Variants in CTNNA2 observed in about 807,000 individuals in gnomAD.
The protein encoded by CTNNA2 is catenin alpha-2.
CTNNA2 carries 42 observed loss-of-function variants against 101.0 expected under a neutral mutation model. The observed-to-expected ratio is 0.42, with a 90% CI of 0.32 to 0.54. The LOEUF is 0.54. CTNNA2 is among the 20% of genes least tolerant of loss of function. The pLI is 0.14. For synonymous variants in CTNNA2, 450 were observed against 456.4 expected (o/e 0.99, Z 0.18); for missense variants, 871 against 1,223.1 (o/e 0.71, Z 4.29).
At chr2:79,539,314 C>T (rs1673264259) in intron 1 of CTNNA2, among the ~76,000 whole-genome samples, 1 of 152,176 alleles carries the variant, frequency 6.6e-6, no homozygotes, top group Admixed American at 6.5e-5. Context: ...GGCCTTCACA[C>T]ATCAAGAGCG....
intron 9 of CTNNA2, among the ~76,000 whole-genome samples, chr2:80,524,564 G>C (rs1322030350): frequency 6.6e-6 from 1 of 152,138 alleles, no homozygotes; most frequent in Non-Finnish European, 1.5e-5. Context: ...CCCTCTTGCA[G>C]ACTAGTCACG....
intron 7 of CTNNA2, among the ~76,000 whole-genome samples, chr2:80,253,376 A>C (rs1558943576): frequency 6.6e-6 from 1 of 152,162 alleles, no homozygotes; most frequent in Non-Finnish European, 1.5e-5. Context: ...TATTAGTTCT[A>C]AAACAGGGTA....
chr2:79,761,504 C>T (rs1273287918), intron 3 of CTNNA2, among the ~76,000 whole-genome samples: 2 of 152,034 alleles, frequency 1.3e-5, no homozygotes, highest in African/African-American at 4.8e-5. Flanking sequence ...AGCTCAAGAA[C>T]GTTTGTCTTT....
rs565877328 is a variant in CTNNA2 at position 79,480,979 on chromosome 2, T to C, written c.-134-24075T>C. 7.9e-5 allele frequency among the ~76,000 whole-genome samples: 12 copies of C among 152,212 alleles called. No individual in the cohort carries two copies. In the East Asian group the frequency reaches 2.3e-3, roughly 29 times the overall value. ...TTATATACCTACCTCCAAATTAATG[T>C]CCTTAGTAGGGTTTTTTTTAAATGG... is the stretch of plus-strand genomic sequence containing the variant. On this transcript the variant is annotated intron_variant, in intron 4 of 21. Transcript: ENST00000466387.
chr2:79,997,455 A>C lies in CTNNA2; in HGVS notation c.1056+87658A>C, dbSNP rs556192277. 2.6e-5 allele frequency among the ~76,000 whole-genome samples: 4 copies of C among 152,270 alleles called. No individual in the cohort carries two copies. The East Asian group carries it at 7.7e-4, about 29-fold the overall frequency. On this transcript the variant is annotated intron_variant, in intron 7 of 18. Transcript: ENST00000402739. ...AGAGAAAGAAAAGTGAAGCCAGACC[A>C]AACCAAACAAACCCTGCAGGATTTT...
intron 15 of CTNNA2, among the ~76,000 whole-genome samples, chr2:80,597,636 AC>A (rs1697101660): frequency 6.6e-6 from 1 of 152,132 alleles, no homozygotes; most frequent in Admixed American, 6.6e-5. Flanking sequence ...AAGAAAAAAA[AC>A]ACCACCTTCA....
chr2:79,573,661 CAG>C (rs1238194104), intron 1 of CTNNA2: 1 of 152,138 alleles, frequency 6.6e-6, no homozygotes, highest in Non-Finnish European at 1.5e-5. Context: ...GAAAACTAAA[CAG>C]AAAACCTTTA....
chr2:80,152,989 A>C (rs1703798279), intron 7 of CTNNA2, among the ~76,000 whole-genome samples: 1 of 152,220 alleles, frequency 6.6e-6, no homozygotes. Flanking sequence ...AGAGGATCTA[A>C]GTTGTGTTTG....
At chr2:79,996,682 A>G (rs1374865123) in intron 7 of CTNNA2, among the ~76,000 whole-genome samples, 2 of 152,162 alleles carry the variant, frequency 1.3e-5, no homozygotes, top group Non-Finnish European at 2.9e-5. Flanking sequence ...AGCCTTGAGG[A>G]AAACTATTGT....
chr2:79,849,496 T>C (rs1680504550), intron 3 of CTNNA2, among the ~76,000 whole-genome samples: 2 of 152,100 alleles, frequency 1.3e-5, no homozygotes, highest in Admixed American at 6.5e-5. Context: ...CCCTGAGCCT[T>C]AGAGAAAAAT....
rs1398390904 is a variant in CTNNA2 at position 79,733,858 on chromosome 2, A to G, written c.103-10529A>G. ...AAAGAAAATGTCAAACCTCGTGTTC[A>G]TGTCAATCAAAGAGTGCAATAAAAA... On this transcript the variant is annotated intron_variant, in intron 2 of 18. Transcript: ENST00000402739. Among the ~76,000 whole-genome samples, 8 of 152,240 alleles carry G rather than the reference A, an allele frequency of 5.3e-5. No homozygotes were observed. The East Asian group carries it at 9.7e-4, about 18-fold the overall frequency.
chr2:80,037,196 A>G (rs923755169), intron 7 of CTNNA2, among the ~76,000 whole-genome samples: 1 of 152,212 alleles, frequency 6.6e-6, no homozygotes, highest in Non-Finnish European at 1.5e-5. Context: ...TGGGTCACAA[A>G]TAGCTTTGAC....
chr2:80,042,175 G>C (rs1218506468), intron 7 of CTNNA2, among the ~76,000 whole-genome samples: 1 of 152,200 alleles, frequency 6.6e-6, no homozygotes, highest in Non-Finnish European at 1.5e-5. Context: ...ATGTTGACCA[G>C]GCTGGTCTTG....
At chr2:80,583,310 G>C (rs1341904164) in intron 14 of CTNNA2, among the ~76,000 whole-genome samples, 2 of 152,078 alleles carry the variant, frequency 1.3e-5, no homozygotes, top group Non-Finnish European at 2.9e-5. Context: ...ATCACATGAT[G>C]GTGGGACAAC....
chr2:79,688,828 C>T (rs566747015), intron 2 of CTNNA2, among the ~76,000 whole-genome samples: 4 of 152,132 alleles, frequency 2.6e-5, no homozygotes, highest in African/African-American at 9.6e-5. Flanking sequence ...ATTCCCATCA[C>T]GCTTGCTGCA....
At chr2:79,835,666 G>GTTTTTTTTTTTTTTTTTTTTTTTTTTT (rs70940048) in intron 3 of CTNNA2, among the ~76,000 whole-genome samples, 1 of 58,618 alleles carries the variant, frequency 1.7e-5, no homozygotes, top group African/African-American at 7.3e-5. Context: ...GCCTCTCTTT[G>GTTTTTTTTTTTTTTTTTTTTTTTTTTT]TTTTTTTTTT....
intron 4 of CTNNA2, among the ~76,000 whole-genome samples, chr2:79,415,747 G>T (rs931000141): frequency 2.0e-5 from 3 of 151,876 alleles, no homozygotes; most frequent in Non-Finnish European, 4.4e-5. Flanking sequence ...TGTGCTTAAA[G>T]TTTTTTTTCA....
chr2:80,630,128 C>A (rs1453806398), intron 18 of CTNNA2, among the ~76,000 whole-genome samples: 1 of 152,066 alleles, frequency 6.6e-6, no homozygotes, highest in African/African-American at 2.4e-5. Context: ...CCTGGTTATC[C>A]CCAAATCTTC....
intron 3 of CTNNA2, among the ~76,000 whole-genome samples, chr2:79,836,292 T>A (rs562560038): frequency 1.1e-4 from 17 of 152,348 alleles, no homozygotes; most frequent in African/African-American, 3.8e-4. Flanking sequence ...AGCTGGTCCC[T>A]AGATGACTAA....
Sources: allele counts gnomAD v4.1 joint callset (sites outside exome capture counted in the v4.1 genomes callset), GRCh38; gene constraint gnomAD v4.1.1; transcripts MANE v1.5; gene names NCBI Gene and HGNC (gene_info 2026-07-23, HGNC 2026-07-21).